The following ZNF503 variants were observed in gnomAD, a reference collection of about 807,000 sequenced individuals.
The protein encoded by ZNF503 is NocA-like zinc finger 2.
Under a neutral mutation model 34.4 loss-of-function variants are expected in ZNF503, and 15 were observed. The ratio of observed to expected loss-of-function variants is 0.44; its 90% CI spans 0.29 to 0.67. The LOEUF (loss-of-function observed/expected upper bound fraction) is 0.67, where lower values mean the gene tolerates loss of function less well. Among genes scored for constraint, ZNF503 ranks in the 30% least tolerant of loss-of-function variants. The pLI, the probability that ZNF503 is intolerant of heterozygous loss-of-function variation, is 0.13. For missense variants in ZNF503, 1,007 were observed against 926.8 expected (o/e 1.09, Z -1.12); for synonymous variants, 580 against 456.8 (o/e 1.27, Z -3.44).
chr10:75,363,628 G>A, the ZNF503 span, among the ~76,000 whole-genome samples: 2 of 152,168 alleles, frequency 1.3e-5, no homozygotes, highest in Middle Eastern at 3.2e-3. Context: ...CAGCCCTAGG[G>A]GGCACTATTC....
chr10:75,384,030 G>T, the ZNF503 span, among the ~76,000 whole-genome samples: 1 of 152,212 alleles, frequency 6.6e-6, no homozygotes, highest in African/African-American at 2.4e-5. Flanking sequence ...AGGAGGAGGT[G>T]CTCTGGAGCT....
chr10:75,379,509 T>C, the ZNF503 span, among the ~76,000 whole-genome samples: 1 of 152,212 alleles, frequency 6.6e-6, no homozygotes, highest in African/African-American at 2.4e-5. Flanking sequence ...GCTGGGGAAA[T>C]GTCCCACATT....
the ZNF503 span, among the ~76,000 whole-genome samples, chr10:75,375,947 A>G: frequency 5.5e-4 from 83 of 152,192 alleles, 2 homozygotes; most frequent in Non-Finnish European, 7.9e-4. Context: ...CAGAGGAGGA[A>G]GTGAGAAGTG....
chr10:75,318,708 C>T, the ZNF503 span, among the ~76,000 whole-genome samples: 16 of 148,864 alleles, frequency 1.1e-4, no homozygotes, highest in African/African-American at 3.9e-4. Context: ...TTGTCACTAG[C>T]AGAACTATTC....
chr10:75,352,704 A>C, the ZNF503 span, among the ~76,000 whole-genome samples: 80 of 152,352 alleles, frequency 5.3e-4, no homozygotes, highest in African/African-American at 1.6e-3. Flanking sequence ...GCACATTCTC[A>C]TGGCCTCCCT....
the ZNF503 span, among the ~76,000 whole-genome samples, chr10:75,376,709 C>T: frequency 6.6e-6 from 1 of 152,054 alleles, no homozygotes; most frequent in South Asian, 2.1e-4. Context: ...GTTTAATTGA[C>T]TCACAATTCT....
chr10:75,382,475 G>A, the ZNF503 span: 1 of 696,202 alleles, frequency 1.4e-6, no homozygotes, highest in South Asian at 1.5e-5. Flanking sequence ...TCCCCAGAAG[G>A]CAGCCTGGAT....
the ZNF503 span, among the ~76,000 whole-genome samples, chr10:75,357,034 G>A: frequency 1.3e-5 from 2 of 152,054 alleles, no homozygotes; most frequent in African/African-American, 4.8e-5. Flanking sequence ...CTGCCCTTCC[G>A]TAAGACTTGG....
the ZNF503 span, among the ~76,000 whole-genome samples, chr10:75,299,512 T>C: frequency 6.6e-6 from 1 of 152,200 alleles, no homozygotes; most frequent in Non-Finnish European, 1.5e-5. Flanking sequence ...CATATATATT[T>C]ATAATTGGTA....
chr10:75,310,776 G>A, the ZNF503 span, among the ~76,000 whole-genome samples: 1 of 152,108 alleles, frequency 6.6e-6, no homozygotes, highest in Non-Finnish European at 1.5e-5. Flanking sequence ...ATTCTGAGTG[G>A]AGAAACTAGA....
At chr10:75,335,266 T>C in the ZNF503 span, among the ~76,000 whole-genome samples, 1 of 152,224 alleles carries the variant, frequency 6.6e-6, no homozygotes, top group Non-Finnish European at 1.5e-5. Flanking sequence ...AAAAATGCTA[T>C]ATTGGCGTTT....
Position 75,399,597 on chromosome 10 carries a change from C to T in ZNF503, c.1093G>A (p.Gly365Arg). The change falls in exon 2 of 2, where the codon GGG (glycine) becomes AGG (arginine). Residue 365 changes from glycine to arginine, a missense_variant. By Grantham distance (125) the Gly-to-Arg change is moderately radical. Coordinates refer to ENST00000372524, the MANE Select transcript of ZNF503 (RefSeq NM_032772.6). ...TGGGGCGGGTAGCCGGCGTAGGCCC[C>T]GGCCAGGCTGCCTGGGTAGGTCATA... ...AGMTYPGSLA[G>R]AYAGYPPQFL... The T allele has an allele frequency of 2.5e-6, 4 of 1,597,546 alleles. No homozygotes were observed. The highest frequency in any genetic ancestry group is 3.4e-6 in the Non-Finnish European group (4 of 1,179,476).
the ZNF503 span, among the ~76,000 whole-genome samples, chr10:75,327,393 G>A: frequency 1.3e-5 from 2 of 152,150 alleles, no homozygotes; most frequent in Non-Finnish European, 1.5e-5. Flanking sequence ...TTAACATAAT[G>A]TCCTCCAGGC....
the ZNF503 span, among the ~76,000 whole-genome samples, chr10:75,311,016 C>A: frequency 6.6e-6 from 1 of 152,186 alleles, no homozygotes; most frequent in Admixed American, 6.5e-5. Flanking sequence ...TCTAGAGGGA[C>A]AGAACTAATA....
the ZNF503 span, chr10:75,361,581 C>A: frequency 3.9e-5 from 6 of 152,234 alleles, no homozygotes; most frequent in African/African-American, 1.2e-4. Flanking sequence ...GTGTTCATTT[C>A]TTTTTTCTCA....
the ZNF503 span, among the ~76,000 whole-genome samples, chr10:75,366,378 C>A: frequency 6.6e-6 from 1 of 152,184 alleles, no homozygotes; most frequent in African/African-American, 2.4e-5. Context: ...ACACCGTCTG[C>A]TCATAATAGC....
At chr10:75,374,189 G>T in the ZNF503 span, among the ~76,000 whole-genome samples, 68 of 152,220 alleles carry the variant, frequency 4.5e-4, 1 homozygote, top group Middle Eastern at 3.4e-3. Context: ...GTGCACAACT[G>T]TGGATGCAAC....
In ZNF503 at chr10:75,401,455, G is replaced by A; in HGVS notation, c.-36C>T. 6.6e-7 allele frequency: 1 copy of A among 1,509,212 alleles called. No homozygotes were observed. Among genetic ancestry groups the A allele is most frequent in the African/African-American group, 1.4e-5 (1 of 69,368 alleles). 93.5% of individuals were successfully genotyped at this position (1,509,212 alleles called of 1,614,324 possible). ...CGCGCATGGGAGCAGCGGGGGGGAGGGCTCCGGGAGGCGCGGGGCGGGCTC... is the reference window on the plus strand; with the variant it reads ...CGCGCATGGGAGCAGCGGGGGGGAGAGCTCCGGGAGGCGCGGGGCGGGCTC... On this transcript the variant is annotated 5_prime_UTR_variant, in exon 1 of 2. Coordinates refer to ENST00000372524, the MANE Select transcript of ZNF503 (RefSeq NM_032772.6).
chr10:75,363,782 A>T, the ZNF503 span, among the ~76,000 whole-genome samples: 2 of 152,222 alleles, frequency 1.3e-5, no homozygotes, highest in South Asian at 4.1e-4. Flanking sequence ...ATAAGCACTG[A>T]GTATTGTTGC....
Sources: allele counts gnomAD v4.1 joint callset (sites outside exome capture counted in the v4.1 genomes callset), GRCh38; gene constraint gnomAD v4.1.1; transcripts MANE v1.5; gene names NCBI Gene and HGNC (gene_info 2026-07-23, HGNC 2026-07-21).